RFX4: variants seen among roughly 807,000 people sequenced by gnomAD.
RFX4 encodes the protein regulatory factor X4.
In RFX4, 10 loss-of-function variants were observed where a neutral mutation model predicts 95.0. The observed-to-expected ratio is 0.11, with a 90% CI of 0.06 to 0.18. RFX4 has a LOEUF of 0.18. Ranked by LOEUF, RFX4 falls within the 10% of genes least tolerant of loss-of-function variation. The probability of loss-of-function intolerance (pLI) is 1.00; values close to 1 mark genes in which losing one functional copy is unlikely to be tolerated. For missense variants in RFX4, 640 were observed against 922.0 expected, an observed-to-expected ratio of 0.69 and a Z score of 3.96; for synonymous variants, 321 against 340.7, an observed-to-expected ratio of 0.94 and a Z score of 0.64.
chr12:106,684,489 A>T (rs1319135900), intron 5 of RFX4, among the ~76,000 whole-genome samples: 1 of 152,230 alleles, frequency 6.6e-6, no homozygotes, highest in Non-Finnish European at 1.5e-5. Context: ...ACTGAAATAG[A>T]AGAACTCAAG....
At chr12:106,674,703 A>T (rs1165921687) in intron 4 of RFX4, among the ~76,000 whole-genome samples, 10 of 152,192 alleles carry the variant, frequency 6.6e-5, no homozygotes, top group Admixed American at 6.5e-4. Context: ...GATAGAAGAT[A>T]CATTGACTTT....
chr12:106,677,688 C>A (rs1248664032), intron 4 of RFX4, among the ~76,000 whole-genome samples: 1 of 152,092 alleles, frequency 6.6e-6, no homozygotes, highest in African/African-American at 2.4e-5. Flanking sequence ...GCCTGGTCAA[C>A]AGAGTGAGAC....
chr12:106,728,513 C>T (rs1217405364), intron 13 of RFX4, among the ~76,000 whole-genome samples: 1 of 152,004 alleles, frequency 6.6e-6, no homozygotes, highest in East Asian at 1.9e-4. Context: ...CAAGATAGAG[C>T]TTACAATCTA....
rs60276653 is a variant in RFX4 at position 106,669,720 on chromosome 12, G to A, written c.316-12273G>A. ...CAGTTCTCAAAGGAAAAAAAAATAC[G>A]TACATAGACAGACTTTCCTTCTACT... is the stretch of plus-strand genomic sequence containing the variant. On this transcript the variant is annotated intron_variant, in intron 4 of 17. Transcript: ENST00000392842. Among the ~76,000 whole-genome samples, 734 of 151,900 alleles carry A rather than the reference G, an allele frequency of 4.8e-3. 8 individuals are homozygous for A. The highest frequency in any genetic ancestry group is 0.017 in the African/African-American group (695 of 41,450).
At chr12:106,724,553 G>C (rs2042454207) in intron 13 of RFX4, among the ~76,000 whole-genome samples, 1 of 152,176 alleles carries the variant, frequency 6.6e-6, no homozygotes, top group Non-Finnish European at 1.5e-5. Context: ...AGACTGTCAT[G>C]AGCAGTAAGA....
At chr12:106,652,480 CAAT>C (rs1402655279) in intron 3 of RFX4, among the ~76,000 whole-genome samples, 13 of 152,148 alleles carry the variant, frequency 8.5e-5, no homozygotes. Context: ...TGCTGGACCT[CAAT>C]GATGCAGAAT....
intron 2 of RFX4, among the ~76,000 whole-genome samples, chr12:106,615,408 A>T (rs1555225514): frequency 6.6e-6 from 1 of 152,192 alleles, no homozygotes; most frequent in Non-Finnish European, 1.5e-5. Context: ...ATCTGGTAGC[A>T]TAAGACCTCT....
chr12:106,650,956 T>C (rs549189887), intron 3 of RFX4, among the ~76,000 whole-genome samples: 2 of 152,318 alleles, frequency 1.3e-5, no homozygotes, highest in African/African-American at 4.8e-5. Flanking sequence ...CCTTTGAGTC[T>C]TTGTTTCTTT....
At chr12:106,593,335 C>T (rs2039574022) in intron 1 of RFX4, among the ~76,000 whole-genome samples, 1 of 152,192 alleles carries the variant, frequency 6.6e-6, no homozygotes. Context: ...GGTGTTTAGA[C>T]ACAACCTAAG....
At chr12:106,727,809 C>T (rs1297939927) in intron 13 of RFX4, among the ~76,000 whole-genome samples, 15 of 152,144 alleles carry the variant, frequency 9.9e-5, no homozygotes, top group Admixed American at 3.3e-4. Flanking sequence ...TTAGTAGAGA[C>T]GGAGTTTCAC....
intron 3 of RFX4, among the ~76,000 whole-genome samples, chr12:106,653,305 G>T (rs1191441646): frequency 2.6e-5 from 4 of 152,172 alleles, no homozygotes; most frequent in African/African-American, 9.7e-5. Context: ...AGGACATATA[G>T]TGCCCAAAAA....
At chr12:106,684,826 G>A (rs943745089) in intron 5 of RFX4, 1 of 1,560,042 alleles carries the variant, frequency 6.4e-7, no homozygotes, top group Non-Finnish European at 8.7e-7. Context: ...GAACTGGGCT[G>A]CCTTCGGAGG....
intron 4 of RFX4, among the ~76,000 whole-genome samples, chr12:106,658,131 A>C (rs1348348115): frequency 2.0e-5 from 3 of 152,184 alleles, no homozygotes; most frequent in Non-Finnish European, 4.4e-5. Context: ...TATTTGTTAC[A>C]TGTTGTATGA....
At chr12:106,648,288 T>G (rs1002353293) in intron 3 of RFX4, among the ~76,000 whole-genome samples, 56 of 151,848 alleles carry the variant, frequency 3.7e-4, no homozygotes, top group Admixed American at 8.5e-4. Flanking sequence ...ATCGTGTGTG[T>G]GGGTGGAAGG....
chr12:106,610,717 A>G (rs1055966486), intron 2 of RFX4, among the ~76,000 whole-genome samples: 17 of 152,322 alleles, frequency 1.1e-4, no homozygotes, highest in African/African-American at 4.1e-4. Flanking sequence ...TAAGACATTG[A>G]TGGGCAATTG....
rs113890885 is a variant in RFX4 at position 106,615,093 on chromosome 12, C to T, written c.130+6210C>T. Among the ~76,000 whole-genome samples the T allele has an allele frequency of 8.2e-3, 1,247 of 152,210 alleles. 9 individuals are homozygous for T. Among genetic ancestry groups the T allele is most frequent in the African/African-American group, 0.028 (1,181 of 41,550 alleles). On this transcript the variant is annotated intron_variant, in intron 2 of 17. Coordinates refer to ENST00000392842, the MANE Select transcript of RFX4 (RefSeq NM_213594.3). The stretch of plus-strand genomic sequence containing the variant: ...GTTCATGAAGGTCTTTTTAACATAT[C>T]ATCTAGCAGCTTTACTATTTTACCT...
chr12:106,583,633 A>G (rs1380665824), intron 1 of RFX4: 3 of 343,910 alleles, frequency 8.7e-6, no homozygotes, highest in Non-Finnish European at 1.6e-5. Flanking sequence ...TGCCCTGGAC[A>G]CAAAGTTACG....
chr12:106,718,546 T>G (rs1490713720), intron 11 of RFX4, among the ~76,000 whole-genome samples: 1 of 152,208 alleles, frequency 6.6e-6, no homozygotes, highest in Non-Finnish European at 1.5e-5. Flanking sequence ...TCAACAAACA[T>G]TTGAGCATTC....
chr12:106,628,913 C>T (rs772833527), intron 2 of RFX4, among the ~76,000 whole-genome samples: 1 of 152,054 alleles, frequency 6.6e-6, no homozygotes, highest in Admixed American at 6.5e-5. Context: ...GCATGCACCA[C>T]CATGCCTGGC....
Sources: gnomAD v4.1 joint callset for allele counts (sites outside exome capture counted in the v4.1 genomes callset) on GRCh38, gnomAD v4.1.1 for gene constraint, MANE v1.5 for transcripts, NCBI Gene and HGNC (gene_info 2026-07-23, HGNC 2026-07-21) for gene names.